TNR: variants seen among roughly 807,000 people sequenced by gnomAD.
The protein encoded by TNR is tenascin R.
TNR carries 45 observed loss-of-function variants against 150.4 expected under a neutral mutation model. That is an observed-to-expected ratio of 0.30 (90% CI 0.24 to 0.38). The LOEUF (loss-of-function observed/expected upper bound fraction) is 0.38, where lower values mean the gene tolerates loss of function less well. Among genes scored for constraint, TNR ranks in the 10% least tolerant of loss-of-function variants. The pLI, the probability that TNR is intolerant of heterozygous loss-of-function variation, is 1.00. For synonymous variants in TNR, 687 were observed against 678.4 expected (o/e 1.01, Z -0.20); for missense variants, 1,544 against 1,759.1 (o/e 0.88, Z 2.19).
rs1553254741 is a variant in TNR, at chr1:175,696,231, T to TTG, written c.-165+46994_-165+46995insCA. ...GCCTTCCTGTAGTTTTTTTTTTTTTTTTTTTTTTTTTTTCCAAAATTTAAG... is the reference window on the plus strand; with the variant it reads ...GCCTTCCTGTAGTTTTTTTTTTTTTTTGTTTTTTTTTTTTTCCAAAATTTAAG... On this transcript the variant is annotated intron_variant, in intron 1 of 22. Coordinates refer to ENST00000367674, the MANE Select transcript of TNR (RefSeq NM_003285.3). 1.1e-3 allele frequency among the ~76,000 whole-genome samples: 153 copies of TTG among 145,340 alleles called. 1 individual carries two copies. Among genetic ancestry groups the TTG allele is most frequent in the African/African-American group, 4.0e-3 (150 of 37,528 alleles).
chr1:175,340,416 A>AT (rs1463166869), intron 18 of TNR, among the ~76,000 whole-genome samples: 2 of 152,216 alleles, frequency 1.3e-5, no homozygotes, highest in African/African-American at 4.8e-5. Flanking sequence ...GCAACCTGGG[A>AT]TTTTCACATC....
intron 1 of TNR, among the ~76,000 whole-genome samples, chr1:175,546,810 G>A (rs1322669799): frequency 6.6e-6 from 1 of 152,146 alleles, no homozygotes; most frequent in African/African-American, 2.4e-5. Context: ...GCGGGCAAGG[G>A]AAGCAGGTGA....
intron 2 of TNR, among the ~76,000 whole-genome samples, chr1:175,441,121 C>A (rs138784896): frequency 2.0e-5 from 3 of 152,122 alleles, no homozygotes; most frequent in Admixed American, 6.6e-5. Context: ...CTCTGTGGCA[C>A]CTTCTTGTCC....
chr1:175,733,339 G>A (rs1302208949), intron 1 of TNR, among the ~76,000 whole-genome samples: 1 of 152,136 alleles, frequency 6.6e-6, no homozygotes, highest in East Asian at 1.9e-4. Flanking sequence ...CAGGGTGAGT[G>A]CAGAGAGAGA....
At chr1:175,615,685 T>C (rs976850454) in intron 1 of TNR, among the ~76,000 whole-genome samples, 2 of 152,070 alleles carry the variant, frequency 1.3e-5, no homozygotes, top group Admixed American at 6.6e-5. Flanking sequence ...GGAATTAGAG[T>C]GTAGAGAGGA....
chr1:175,471,411 G>C (rs113905471), intron 2 of TNR, among the ~76,000 whole-genome samples: 63 of 152,302 alleles, frequency 4.1e-4, no homozygotes, highest in African/African-American at 1.4e-3. Flanking sequence ...AACCTAGGTG[G>C]TAGAGCCTAT....
At chr1:175,405,800 C>G (rs977962339) in intron 3 of TNR, among the ~76,000 whole-genome samples, 1 of 152,140 alleles carries the variant, frequency 6.6e-6, no homozygotes, top group South Asian at 2.1e-4. Flanking sequence ...TCTGCATTCT[C>G]TAGTCCCTCA....
In TNR at chr1:175,320,725, T is replaced by TGTGTG. The variant is rs1553201218; in HGVS notation, c.*2631_*2632insCACAC. The stretch of plus-strand genomic sequence containing the variant: ...GTGTGTGTGTGTGTGTGTGTGTGTG[T>TGTGTG]TTTACTTATGACTCCTGAATCAATC... On this transcript the variant is annotated 3_prime_UTR_variant, in exon 23 of 23. Transcript: ENST00000367674. 7 of 151,622 alleles carry TGTGTG rather than the reference T, an allele frequency of 4.6e-5. No homozygotes were observed. Among genetic ancestry groups the TGTGTG allele is most frequent in the African/African-American group, 7.3e-5 (3 of 41,144 alleles). 9.4% of individuals were successfully genotyped at this position (151,622 alleles called of 1,614,324 possible).
chr1:175,656,643 C>CTGG (rs1294583347), intron 1 of TNR: 1 of 152,464 alleles, frequency 6.6e-6, no homozygotes, highest in African/African-American at 2.4e-5. Context: ...GGAGATGTGA[C>CTGG]TGGTGCCTGT....
chr1:175,466,125 G>A lies in TNR; in HGVS notation c.-63-59348C>T, dbSNP rs151197311. ...TAGCCATCACACTGGATGCTATTAC[G>A]TGCCTCTCCATTGATCCTCAAAACA... On this transcript the variant is annotated intron_variant, in intron 2 of 22. Coordinates refer to ENST00000367674, the MANE Select transcript of TNR (RefSeq NM_003285.3). Among the ~76,000 whole-genome samples, 567 of 152,212 alleles carry A rather than the reference G, an allele frequency of 3.7e-3. 4 individuals are homozygous for A. The highest frequency in any genetic ancestry group is 0.013 in the African/African-American group (532 of 41,524).
At chr1:175,503,640 T>G (rs1188908071) in intron 2 of TNR, among the ~76,000 whole-genome samples, 4 of 152,146 alleles carry the variant, frequency 2.6e-5, no homozygotes, top group Non-Finnish European at 4.4e-5. Context: ...AAGGGCAGCT[T>G]TCTCCCAGCA....
chr1:175,567,283 C>T (rs1237967103), intron 1 of TNR, among the ~76,000 whole-genome samples: 6 of 152,148 alleles, frequency 3.9e-5, no homozygotes, highest in East Asian at 1.9e-4. Flanking sequence ...TGGCCCATGT[C>T]GAGGCATTTC....
intron 4 of TNR, among the ~76,000 whole-genome samples, chr1:175,399,314 G>A (rs879385576): frequency 2.6e-5 from 4 of 152,210 alleles, no homozygotes; most frequent in Non-Finnish European, 5.9e-5. Flanking sequence ...GAACAAATCA[G>A]CGTATTCCTT....
intron 2 of TNR, among the ~76,000 whole-genome samples, chr1:175,521,719 T>A (rs539603269): frequency 6.6e-6 from 1 of 152,350 alleles, no homozygotes; most frequent in East Asian, 1.9e-4. Flanking sequence ...TGGGTTTGTA[T>A]CACCTCTATT....
chr1:175,702,665 A>C (rs1373889052), intron 1 of TNR, among the ~76,000 whole-genome samples: 1 of 152,226 alleles, frequency 6.6e-6, no homozygotes, highest in African/African-American at 2.4e-5. Flanking sequence ...TCAAGGAAGA[A>C]AACATTTCCA....
At chr1:175,369,636 C>T (rs1652003912) in intron 9 of TNR, among the ~76,000 whole-genome samples, 2 of 150,400 alleles carry the variant, frequency 1.3e-5, no homozygotes, top group African/African-American at 4.9e-5. Flanking sequence ...GAAACTGTGG[C>T]ACGGAGTAAG....
intron 2 of TNR, among the ~76,000 whole-genome samples, chr1:175,414,196 GCT>G (rs1654335889): frequency 6.6e-6 from 1 of 151,918 alleles, no homozygotes; most frequent in African/African-American, 2.4e-5. Context: ...AATTTCTTTT[GCT>G]CATAAGCCAC....
At chr1:175,628,268 G>A (rs1664215875) in intron 1 of TNR, among the ~76,000 whole-genome samples, 1 of 152,092 alleles carries the variant, frequency 6.6e-6, no homozygotes, top group Non-Finnish European at 1.5e-5. Flanking sequence ...GATTTGGTGT[G>A]GAGGGAACCT....
intron 1 of TNR, among the ~76,000 whole-genome samples, chr1:175,671,289 C>T (rs79029967): frequency 2.0e-3 from 301 of 152,306 alleles, no homozygotes; most frequent in Middle Eastern, 6.8e-3. Flanking sequence ...ATGCTCAGTT[C>T]TCAGGAGCCA....
Sources: gnomAD v4.1 joint callset for allele counts (sites outside exome capture counted in the v4.1 genomes callset) on GRCh38, gnomAD v4.1.1 for gene constraint, MANE v1.5 for transcripts, NCBI Gene and HGNC (gene_info 2026-07-23, HGNC 2026-07-21) for gene names.